SNX15: variants seen among roughly 807,000 people sequenced by gnomAD.
SNX15 encodes the protein sorting nexin 15.
A neutral mutation model predicts 35.2 loss-of-function variants in SNX15; 29 were observed. That is an observed-to-expected ratio of 0.82 (90% CI 0.61 to 1.12). The LOEUF is 1.12. Ranked by LOEUF, SNX15 falls within the 50% of genes most tolerant of loss-of-function variation. The pLI, the probability that SNX15 is intolerant of heterozygous loss-of-function variation, is 0.00. For synonymous variants in SNX15, 189 were observed against 188.2 expected (o/e 1.00, Z -0.03); for missense variants, 400 against 451.5 (o/e 0.89, Z 1.03).
chr11:65,035,213 CG>C lies in SNX15; in HGVS notation c.520+11del, dbSNP rs1946487419. The stretch of plus-strand genomic sequence containing the variant: ...GAGGAATTGGAGGTGCCAGGTACAT[CG>C]GGGTGGGAGGAGGGAACCAGGGCTG... On this transcript the variant is annotated splice_region_variant and intron_variant, in intron 5 of 7. Transcript: ENST00000377244. The C allele has an allele frequency of 6.4e-7, 1 of 1,564,130 alleles. No homozygotes were observed. Among genetic ancestry groups the C allele is most frequent in the Admixed American group, 2.0e-5 (1 of 49,652 alleles).
intron 5 of SNX15, 115 bp from the exon 6 acceptor site, chr11:65,035,405 A>G: frequency 7.6e-7 from 1 of 1,324,420 alleles, no homozygotes; most frequent in East Asian, 2.4e-5. Flanking sequence ...ACAAACCCTA[A>G]TAACAGGCTT....
intron 6 of SNX15, 137 bp downstream of exon 6, chr11:65,035,800 C>T (rs891169566): frequency 5.1e-5 from 41 of 809,828 alleles, no homozygotes; most frequent in Non-Finnish European, 6.3e-5. Context: ...GCCCTGTGGG[C>T]CAATAGCAGC....
chr11:65,032,743 A>C (rs1222635180), intron 3 of SNX15, among the ~76,000 whole-genome samples, 192 bp downstream of exon 3: 5 of 152,046 alleles, frequency 3.3e-5, no homozygotes, highest in African/African-American at 1.2e-4. Context: ...CTTACTGTGT[A>C]TTTCACCTTT....
At chr11:65,033,174 C>T (rs1220743838) in intron 3 of SNX15, among the ~76,000 whole-genome samples, 5 of 152,064 alleles carry the variant, frequency 3.3e-5, no homozygotes, top group Non-Finnish European at 7.4e-5. Flanking sequence ...CTGCACCCGG[C>T]CCATCTCAAT....
rs772410080 is a variant in SNX15 at position 65,027,558 on chromosome 11, T to G, written c.21T>G (p.Asp7Glu). Reference sequence around the variant, plus strand: ...GTTTCATGTCCCGCCAGGCGAAGGATGACTTCCTGCGGCACTACACAGTGT... The same window carrying G: ...GTTTCATGTCCCGCCAGGCGAAGGAGGACTTCCTGCGGCACTACACAGTGT... Reference protein sequence around the residue: MSRQAKDDFLRHYTVSD... With the variant: MSRQAKEDFLRHYTVSD... Residue 7 changes from aspartate (D) to glutamate (E), a missense_variant, in exon 1 of 8, where the codon GAT becomes GAG. Coordinates refer to ENST00000377244, the MANE Select transcript of SNX15 (RefSeq NM_013306.5). The G allele has an allele frequency of 6.2e-7, 1 of 1,614,020 alleles. No individual in the cohort carries two copies. Among genetic ancestry groups the G allele is most frequent in the Admixed American group, 1.7e-5 (1 of 60,022 alleles).
In SNX15 at chr11:65,039,950, T is replaced by C. The variant is rs557065746; in HGVS notation, c.*158T>C. ...GAAAAATAATGAATTCTTAGCTCCC[T>C]GATTACACCTGCCACCTTGGAATCA... is the stretch of plus-strand genomic sequence containing the variant. On this transcript the variant is annotated 3_prime_UTR_variant, in exon 8 of 8. Coordinates refer to ENST00000377244, the MANE Select transcript of SNX15 (RefSeq NM_013306.5). The C allele has an allele frequency of 1.2e-5, 7 of 565,074 alleles. No homozygotes were observed. In the African/African-American group the frequency reaches 1.3e-4, roughly 11 times the overall value. 35.0% of individuals were successfully genotyped at this position (565,074 alleles called of 1,614,324 possible).
rs1946538432 is a variant in SNX15, at chr11:65,039,029, C to CTTTTTTTTTTTTTTTGTTTTTTTTTTTTT, written c.922+215_922+216insGTTTTTTTTTTTTTTTTTTTTTTTTTTTT. Among the ~76,000 whole-genome samples the CTTTTTTTTTTTTTTTGTTTTTTTTTTTTT allele has an allele frequency of 2.8e-5, 2 of 72,528 alleles. 1 individual carries two copies. The highest frequency in any genetic ancestry group is 6.2e-5 in the Non-Finnish European group (2 of 32,250). The allele number at this position is 72,528 out of a possible 152,430, so 47.6% of individuals were successfully genotyped here. On this transcript the variant is annotated intron_variant, in intron 7 of 7. Coordinates refer to ENST00000377244, the MANE Select transcript of SNX15 (RefSeq NM_013306.5). ...TTGTGGCCTCAGTTTTCTTCTTCCTCTTTTTTTTTTTTTTTTTTTGAGACA... is the reference window on the plus strand; with the variant it reads ...TTGTGGCCTCAGTTTTCTTCTTCCTCTTTTTTTTTTTTTTTGTTTTTTTTTTTTTTTTTTTTTTTTTTTTTTTTGAGACA...
intron 6 of SNX15, chr11:65,038,271 C>G: frequency 1.5e-5 from 16 of 1,091,366 alleles, no homozygotes; most frequent in Non-Finnish European, 1.7e-5. Context: ...TTTTGGATTT[C>G]TAGGTCAACT....
rs1590743181 is a variant in SNX15, at chr11:65,038,553, C to T, written c.665-19C>T. 6.6e-7 allele frequency: 1 copy of T among 1,516,912 alleles called. No homozygotes were observed. Among genetic ancestry groups the T allele is most frequent in the East Asian group, 2.3e-5 (1 of 43,420 alleles). The allele number at this position is 1,516,912 out of a possible 1,614,324, so 94.0% of individuals were successfully genotyped here. On this transcript the variant is annotated intron_variant, in intron 6 of 7. Transcript: ENST00000377244. ...AAGGAAGGGCCAGTCTGGTCCGAGT[C>T]CTCCCTTTCTAACTGCAGAAGGCGC...
chr11:65,038,696 G>A lies in SNX15; in HGVS notation c.789G>A (p.Gly263=). Residue 263 remains glycine, a synonymous_variant, in exon 7 of 8, where the codon GGG becomes GGA. Coordinates refer to ENST00000377244, the MANE Select transcript of SNX15 (RefSeq NM_013306.5). ...AGGAGGAAGAGGATGGGGAAGGAGG[G>A]CCCACCCCTGCCTACCTAAGCCAGG... ...GQEEEEDGEG[G]PTPAYLSQAT... The A allele has an allele frequency of 6.2e-7, 1 of 1,608,656 alleles. No homozygotes were observed. Among genetic ancestry groups the A allele is most frequent in the Non-Finnish European group, 8.5e-7 (1 of 1,177,760 alleles).
chr11:65,035,027 G>C lies in SNX15; in HGVS notation c.373-32G>C, dbSNP rs752328439. ...ACCCACCCACCAGATTGCACCCCATGACTCCCCATGTCTGATCTTTCTGTC... is the reference window on the plus strand; with the variant it reads ...ACCCACCCACCAGATTGCACCCCATCACTCCCCATGTCTGATCTTTCTGTC... On this transcript the variant is annotated intron_variant, in intron 4 of 7. Transcript: ENST00000377244. 3 of 1,613,716 alleles carry C rather than the reference G, an allele frequency of 1.9e-6. No individual in the cohort carries two copies. In the South Asian group the frequency reaches 3.3e-5, roughly 18 times the overall value.
rs778568224 is a variant in SNX15 at position 65,038,576 on chromosome 11, C to A, written c.669C>A (p.Gly223=). 24 of 1,535,670 alleles carry A rather than the reference C, an allele frequency of 1.6e-5. No individual in the cohort carries two copies. Among genetic ancestry groups the A allele is most frequent in the Non-Finnish European group, 2.1e-5 (24 of 1,142,864 alleles). The change falls in exon 7 of 8, where the codon GGC becomes GGA. Residue 223 remains glycine, a synonymous_variant. Transcript: ENST00000377244. ...ALFDPFSKEE[G]AAPSPTHVAE... is the part of the protein sequence containing the mutation. ...GTCCTCCCTTTCTAACTGCAGAAGGCGCAGCCCCCAGCCCCACCCATGTGG... is the reference window on the plus strand; with the variant it reads ...GTCCTCCCTTTCTAACTGCAGAAGGAGCAGCCCCCAGCCCCACCCATGTGG...
rs777161903 is a variant in SNX15 at position 65,034,961 on chromosome 11, G to T, written c.371G>T (p.Arg124Leu). The T allele has an allele frequency of 1.9e-6, 3 of 1,613,892 alleles. No homozygotes were observed. Among genetic ancestry groups the T allele is most frequent in the Non-Finnish European group, 2.5e-6 (3 of 1,179,870 alleles). Residue 124 changes from arginine (R) to leucine (L), a missense_variant and splice_region_variant, in exon 4 of 8, where the codon CGG (arginine) becomes CTG (leucine). Coordinates refer to ENST00000377244, the MANE Select transcript of SNX15 (RefSeq NM_013306.5). ...AGCCCCCAGCTCAAGGAGTTCTTCC[G>T]GGTATGTGCACCTTCCACCTTCCCA... The part of the protein sequence containing the change: ...NNSPQLKEFF[R>L]GGEVTRPLEV...
chr11:65,032,261 A>AG, intron 2 of SNX15, 58 bp downstream of exon 2: 1 of 1,592,106 alleles, frequency 6.3e-7, no homozygotes, highest in Admixed American at 1.7e-5. Flanking sequence ...GAAACTGTCA[A>AG]GGGGCAGCTG....
At position 65,027,471 on chromosome 11, in the gene SNX15, TG is replaced by T; in HGVS notation, c.-64del. ...TGGCGAGGCGGCGGCGGGCGGAGGC[TG>T]GGCCGGAGGGGTGGGGACGGCGAGG... On this transcript the variant is annotated 5_prime_UTR_variant, in exon 1 of 8. Coordinates refer to ENST00000377244, the MANE Select transcript of SNX15 (RefSeq NM_013306.5). 1 of 1,320,640 alleles carries T rather than the reference TG, an allele frequency of 7.6e-7. No homozygotes were observed. The highest frequency in any genetic ancestry group is 1.2e-5 in the South Asian group (1 of 85,012). 81.8% of individuals were successfully genotyped at this position (1,320,640 alleles called of 1,614,324 possible). A position where few individuals can be genotyped will look rare whatever the true frequency, so the allele number is the denominator to read the frequency against.
intron 1 of SNX15, among the ~76,000 whole-genome samples, 183 bp downstream of exon 1, chr11:65,027,819 G>A (rs541842358): frequency 6.6e-6 from 1 of 152,310 alleles, no homozygotes; most frequent in East Asian, 1.9e-4. Context: ...GGGGTCCTGG[G>A]TGGGCGCTGT....
intron 7 of SNX15, 105 bp from the exon 8 acceptor site, chr11:65,039,581 G>C: frequency 1.5e-6 from 1 of 662,274 alleles, no homozygotes; most frequent in East Asian, 2.8e-5. Flanking sequence ...CAGAGAGGAG[G>C]GAAAAGCACA....
At chr11:65,034,325 G>A (rs1352471495) in intron 3 of SNX15, among the ~76,000 whole-genome samples, 1 of 152,198 alleles carries the variant, frequency 6.6e-6, no homozygotes, top group Admixed American at 6.5e-5. Context: ...GGAGGCTGAG[G>A]CGGGAGGGCG....
At chr11:65,029,378 G>T (rs1414027876) in intron 1 of SNX15, among the ~76,000 whole-genome samples, 1 of 151,502 alleles carries the variant, frequency 6.6e-6, no homozygotes, top group Non-Finnish European at 1.5e-5. Flanking sequence ...GAATGGTCTC[G>T]ATCTCTTGAC....
Sources: allele counts gnomAD v4.1 joint callset (sites outside exome capture counted in the v4.1 genomes callset), GRCh38; gene constraint gnomAD v4.1.1; transcripts MANE v1.5; gene names NCBI Gene and HGNC (gene_info 2026-07-23, HGNC 2026-07-21).